Variants in AGAP3 observed in about 807,000 individuals in gnomAD.
AGAP3 encodes the protein arf-GAP with GTPase, ANK repeat and PH domain-containing protein 3.
A neutral mutation model predicts 96.9 loss-of-function variants in AGAP3; 24 were observed. The ratio of observed to expected loss-of-function variants is 0.25; its 90% CI spans 0.18 to 0.35. The LOEUF is 0.35. Ranked by LOEUF, AGAP3 falls within the 10% of genes least tolerant of loss-of-function variation. The pLI is 1.00. For missense variants in AGAP3, 876 were observed against 1,254.2 expected (o/e 0.70, Z 4.55); for synonymous variants, 563 against 536.1 (o/e 1.05, Z -0.69).
intron 10 of AGAP3, 95 bp downstream of exon 10, chr7:151,128,779 G>A (rs545835386): frequency 3.6e-5 from 38 of 1,066,078 alleles, no homozygotes; most frequent in South Asian, 2.2e-4. Flanking sequence ...CAGGATGGAC[G>A]GGAAGCAGAC....
upstream of AGAP3, chr7:151,086,202 C>T (rs1379539246): frequency 1.3e-5 from 2 of 152,246 alleles, no homozygotes; most frequent in Non-Finnish European, 1.5e-5. Context: ...CGAGGGTGGC[C>T]CTCGAGGCAA....
intron 1 of AGAP3, among the ~76,000 whole-genome samples, chr7:151,089,325 A>C (rs1798292359): frequency 6.6e-6 from 1 of 152,148 alleles, no homozygotes; most frequent in Non-Finnish European, 1.5e-5. Flanking sequence ...GTTTCCGAGC[A>C]CAGTCTGAGG....
intron 1 of AGAP3, among the ~76,000 whole-genome samples, chr7:151,095,104 G>C (rs1426389801): frequency 6.6e-6 from 1 of 152,174 alleles, no homozygotes; most frequent in Non-Finnish European, 1.5e-5. Flanking sequence ...CAAACTCTTG[G>C]CCTCAAGTGA....
intron 8 of AGAP3, chr7:151,123,502 CTT>C: frequency 8.1e-7 from 1 of 1,231,942 alleles, no homozygotes; most frequent in Non-Finnish European, 1.0e-6. Flanking sequence ...CCCCGCTTCT[CTT>C]ACGCCCCCGC....
At chr7:151,134,849 T>C (rs2150523037) in intron 11 of AGAP3, among the ~76,000 whole-genome samples, 1 of 152,126 alleles carries the variant, frequency 6.6e-6, no homozygotes, top group East Asian at 1.9e-4. Context: ...CATCTCTGCA[T>C]CTGGATCCGA....
chr7:151,087,113 C>T (rs1798187386), intron 1 of AGAP3, 41 bp downstream of exon 1: 1 of 1,553,048 alleles, frequency 6.4e-7, no homozygotes, highest in Non-Finnish European at 8.7e-7. Context: ...GGCGCAGTGG[C>T]CTCTCCGGCG....
rs2150533603 is a variant in AGAP3 at position 151,140,141 on chromosome 7, G to A, written c.1804+25G>A. 3 of 1,546,218 alleles carry A rather than the reference G, an allele frequency of 1.9e-6. No individual in the cohort carries two copies. The highest frequency in any genetic ancestry group is 2.6e-6 in the Non-Finnish European group (3 of 1,147,804). On this transcript the variant is annotated intron_variant, in intron 13 of 17. Transcript: ENST00000397238. This position sits in a 1 kb window ranked among gnomAD's most constrained non-coding sequence, Gnocchi z 5.4. Reference sequence around the variant, plus strand: ...GGTTAGGGGGACCCAGAGGGAAACCGGGCACAGGAGGTGGGCAGTGGGACT... The same window carrying A: ...GGTTAGGGGGACCCAGAGGGAAACCAGGCACAGGAGGTGGGCAGTGGGACT...
intron 1 of AGAP3, among the ~76,000 whole-genome samples, chr7:151,109,829 C>G (rs1041057773): frequency 3.3e-5 from 5 of 152,232 alleles, no homozygotes; most frequent in African/African-American, 1.2e-4. Flanking sequence ...GGGCTGGTTT[C>G]AGTGATCCCA....
In AGAP3 at chr7:151,142,654, G is replaced by C; in HGVS notation, c.2273+20G>C. 6.2e-7 allele frequency: 1 copy of C among 1,608,332 alleles called. No homozygotes were observed. Among genetic ancestry groups the C allele is most frequent in the Non-Finnish European group, 8.5e-7 (1 of 1,178,568 alleles). ...CTGCAGGTGAGCAGATGGTGCCCTG[G>C]AGCTGGCCAGGAATGGGGGAAGCGT... On this transcript the variant is annotated intron_variant, in intron 16 of 17. Transcript: ENST00000397238. The surrounding 1 kb of genome is among the most constrained non-coding windows in gnomAD (Gnocchi z 7.5).
At chr7:151,122,878 AG>A (rs1799976424) in intron 8 of AGAP3, 1 of 1,559,184 alleles carries the variant, frequency 6.4e-7, no homozygotes, top group Non-Finnish European at 8.6e-7. Flanking sequence ...TCAGATGAGA[AG>A]CGGCCGCCGA....
chr7:151,123,134 C>A, intron 8 of AGAP3: 1 of 1,103,220 alleles, frequency 9.1e-7, no homozygotes, highest in South Asian at 3.0e-5. Context: ...GCTTTCCTGC[C>A]CCTCCCCTCC....
chr7:151,109,174 A>C (rs6967521), intron 1 of AGAP3, among the ~76,000 whole-genome samples: 1,890 of 147,332 alleles, frequency 0.013, 49 homozygotes, highest in African/African-American at 0.046. Flanking sequence ...GTAAAAAAAA[A>C]AAAAAACAAA....
intron 10 of AGAP3, among the ~76,000 whole-genome samples, chr7:151,130,428 T>A (rs1307623228): frequency 6.6e-6 from 1 of 152,150 alleles, no homozygotes; most frequent in African/African-American, 2.4e-5. Flanking sequence ...CCCATGACTT[T>A]GGCTCTGAGC....
Position 151,139,859 on chromosome 7 carries a change from C to T in AGAP3, c.1667-120C>T. On this transcript the variant is annotated intron_variant, in intron 12 of 17. Coordinates refer to ENST00000397238, the MANE Select transcript of AGAP3 (RefSeq NM_031946.7). The surrounding 1 kb of genome is among the most constrained non-coding windows in gnomAD (Gnocchi z 4.9). ...CCTAGAGAGAGGTGTCCGTCTGGCT[C>T]TCCTGAGTGTGGCCCAGCTACAGTT... 7.0e-6 allele frequency: 7 copies of T among 1,001,906 alleles called. No homozygotes were observed. Among genetic ancestry groups the T allele is most frequent in the Non-Finnish European group, 9.4e-6 (7 of 746,636 alleles). The allele number at this position is 1,001,906 out of a possible 1,614,324, so 62.1% of individuals were successfully genotyped here. A position where few individuals can be genotyped will look rare whatever the true frequency, so the allele number is the denominator to read the frequency against.
At chr7:151,127,141 T>A (rs565351628) in intron 9 of AGAP3, among the ~76,000 whole-genome samples, 235 of 152,222 alleles carry the variant, frequency 1.5e-3, no homozygotes, top group African/African-American at 5.3e-3. Context: ...CATCTAGGAG[T>A]TAGCCTTCTA....
intron 1 of AGAP3, among the ~76,000 whole-genome samples, chr7:151,097,165 C>T (rs1418804519): frequency 6.6e-6 from 1 of 151,886 alleles, no homozygotes; most frequent in Admixed American, 6.6e-5. Context: ...TTTATTTAAC[C>T]CAGTATATTC....
chr7:151,120,717 CA>C, intron 8 of AGAP3: 1 of 1,221,204 alleles, frequency 8.2e-7, no homozygotes, highest in Non-Finnish European at 1.0e-6. Flanking sequence ...TCCTGGGCTT[CA>C]CCACGCTGCC....
chr7:151,141,887 C>T lies in AGAP3; in HGVS notation c.1805-11C>T, dbSNP rs1343437821. 6.2e-7 allele frequency: 1 copy of T among 1,614,066 alleles called. No homozygotes were observed. The highest frequency in any genetic ancestry group is 8.5e-7 in the Non-Finnish European group (1 of 1,179,982). ...CCAGGAGCCCTGATGGCATAAACAC[C>T]CCCCCAACAGAGGCAGAGGAGTCGT... On this transcript the variant is annotated splice_polypyrimidine_tract_variant and intron_variant, in intron 13 of 17. Transcript: ENST00000397238. The surrounding 1 kb of genome is among the most constrained non-coding windows in gnomAD (Gnocchi z 4.2).
At chr7:151,103,854 C>T (rs539517581) in intron 1 of AGAP3, among the ~76,000 whole-genome samples, 8 of 152,184 alleles carry the variant, frequency 5.3e-5, no homozygotes, top group Admixed American at 3.9e-4. Flanking sequence ...GTAGAAGGCC[C>T]GAGTCCTGGA....
Sources: gnomAD v4.1 joint callset for allele counts (sites outside exome capture counted in the v4.1 genomes callset) on GRCh38, gnomAD v4.1.1 for gene constraint, Gnocchi (gnomAD v3.1) non-coding constraint, MANE v1.5 for transcripts, NCBI Gene and HGNC (gene_info 2026-07-23, HGNC 2026-07-21) for gene names.